LRFN5: variants seen among roughly 807,000 people sequenced by gnomAD.
LRFN5 encodes the protein leucine rich repeat and fibronectin type III domain containing 5.
A neutral mutation model predicts 45.6 loss-of-function variants in LRFN5; 24 were observed. That is an observed-to-expected ratio of 0.53 (90% CI 0.38 to 0.74). The LOEUF (loss-of-function observed/expected upper bound fraction) is 0.74, where lower values mean the gene tolerates loss of function less well. Among genes scored for constraint, LRFN5 ranks in the 30% least tolerant of loss-of-function variants. The pLI is 0.00. For synonymous variants in LRFN5, 340 were observed against 313.8 expected, an observed-to-expected ratio of 1.08 and a Z score of -0.88; for missense variants, 776 against 861.5, an observed-to-expected ratio of 0.90 and a Z score of 1.24.
chr14:41,683,673 A>C (rs1404026778), intron 1 of LRFN5, among the ~76,000 whole-genome samples: 2 of 152,208 alleles, frequency 1.3e-5, no homozygotes, highest in Non-Finnish European at 2.9e-5. Flanking sequence ...TGAAAAAAAA[A>C]TCACCAAAGT....
Position 41,818,539 on chromosome 14 carries a change from C to T in LRFN5, c.-21+51510C>T, listed in dbSNP as rs375920546. On this transcript the variant is annotated intron_variant, in intron 2 of 5. Transcript: ENST00000298119. ...CACACATACACATCCCATTTACATT[C>T]CTTCCCTTCAAGTGATATATGCCAT... 1.1e-4 allele frequency among the ~76,000 whole-genome samples: 16 copies of T among 151,786 alleles called. No individual in the cohort carries two copies. In the East Asian group the frequency reaches 2.5e-3, roughly 24 times the overall value.
At chr14:41,665,524 A>G (rs1880854711) in intron 1 of LRFN5, among the ~76,000 whole-genome samples, 1 of 152,158 alleles carries the variant, frequency 6.6e-6, no homozygotes, top group South Asian at 2.1e-4. Context: ...CACATTTTAT[A>G]TGGGTACGAA....
intron 2 of LRFN5, among the ~76,000 whole-genome samples, chr14:41,811,684 T>A (rs1314686160): frequency 6.6e-6 from 1 of 152,074 alleles, no homozygotes; most frequent in Non-Finnish European, 1.5e-5. Context: ...ATTATAAGAT[T>A]CCATTGGTAT....
rs535762346 is a variant in LRFN5, at chr14:41,618,976, C to T, written c.-197+10414C>T. On this transcript the variant is annotated intron_variant, in intron 1 of 5. Coordinates refer to ENST00000298119, the MANE Select transcript of LRFN5 (RefSeq NM_152447.5). Reference sequence around the variant, plus strand: ...TGCATGATAAGTAATTTTGATTTGCCTAATTTATAACGTAGTGACTTATCA... The same window carrying T: ...TGCATGATAAGTAATTTTGATTTGCTTAATTTATAACGTAGTGACTTATCA... Among the ~76,000 whole-genome samples the T allele has an allele frequency of 1.2e-4, 18 of 152,078 alleles. No homozygotes were observed. In the South Asian group the frequency reaches 3.3e-3, roughly 28 times the overall value.
chr14:41,707,308 C>G (rs775807683), intron 1 of LRFN5, among the ~76,000 whole-genome samples: 23 of 152,242 alleles, frequency 1.5e-4, no homozygotes, highest in Non-Finnish European at 2.8e-4. Flanking sequence ...TTGGGTACTA[C>G]CTGCTACTGT....
At chr14:41,897,698 ATTTT>A in intron 4 of LRFN5, among the ~76,000 whole-genome samples, 1 of 152,090 alleles carries the variant, frequency 6.6e-6, no homozygotes, top group South Asian at 2.1e-4. Context: ...TACAAATTTA[ATTTT>A]CTGCATTTTT....
intron 1 of LRFN5, among the ~76,000 whole-genome samples, chr14:41,641,566 A>T (rs1016254496): frequency 6.6e-6 from 1 of 152,102 alleles, no homozygotes; most frequent in Admixed American, 6.6e-5. Context: ...TGGCTTTTCT[A>T]TACTTTTCTA....
chr14:41,738,042 A>G (rs61992374), intron 1 of LRFN5, among the ~76,000 whole-genome samples: 19,874 of 152,176 alleles, frequency 0.13, 1,538 homozygotes, highest in Non-Finnish European at 0.18. Flanking sequence ...AGCCAAGACA[A>G]TCTTAAATAA....
At chr14:41,715,546 C>G (rs939014712) in intron 1 of LRFN5, among the ~76,000 whole-genome samples, 1 of 152,190 alleles carries the variant, frequency 6.6e-6, no homozygotes, top group Non-Finnish European at 1.5e-5. Context: ...AGTTTGCTTT[C>G]TCTGTGCCTT....
intron 4 of LRFN5, chr14:41,893,170 G>A: frequency 1.0e-6 from 1 of 982,536 alleles, no homozygotes; most frequent in Non-Finnish European, 1.2e-6. Flanking sequence ...AATCTAACTA[G>A]AAATCATGCT....
intron 1 of LRFN5, among the ~76,000 whole-genome samples, chr14:41,708,944 T>A (rs1281453429): frequency 6.8e-6 from 1 of 146,850 alleles, no homozygotes; most frequent in Non-Finnish European, 1.5e-5. Flanking sequence ...TAAAAACGTA[T>A]CCATCTGGTG....
intron 1 of LRFN5, among the ~76,000 whole-genome samples, chr14:41,672,025 T>A (rs887832642): frequency 6.6e-6 from 1 of 152,250 alleles, no homozygotes. Context: ...TTAATAGTTA[T>A]CTTTCCATAA....
intron 1 of LRFN5, among the ~76,000 whole-genome samples, chr14:41,725,420 T>C (rs1370423263): frequency 6.6e-6 from 1 of 152,214 alleles, no homozygotes; most frequent in African/African-American, 2.4e-5. Flanking sequence ...TATCATGTGG[T>C]AGTTAGGTCA....
At chr14:41,803,865 A>ATTTG (rs1273689940) in intron 2 of LRFN5, among the ~76,000 whole-genome samples, 1 of 151,444 alleles carries the variant, frequency 6.6e-6, no homozygotes, top group Non-Finnish European at 1.5e-5. Context: ...AGTTTTTTTC[A>ATTTG]TTTGTTTGTT....
intron 3 of LRFN5, among the ~76,000 whole-genome samples, chr14:41,890,236 G>A (rs1364638493): frequency 2.6e-5 from 4 of 152,152 alleles, no homozygotes; most frequent in Admixed American, 2.0e-4. Context: ...GTGCTCTGAT[G>A]GAAATTTGCG....
chr14:41,885,750 C>T (rs1890545338), intron 2 of LRFN5, among the ~76,000 whole-genome samples: 1 of 152,076 alleles, frequency 6.6e-6, no homozygotes, highest in Admixed American at 6.5e-5. Flanking sequence ...GGCACAGTGG[C>T]TCATGCCTGT....
At chr14:41,815,462 G>A (rs1011381775) in intron 2 of LRFN5, among the ~76,000 whole-genome samples, 1 of 152,042 alleles carries the variant, frequency 6.6e-6, no homozygotes, top group Non-Finnish European at 1.5e-5. Context: ...GTCTAGATGC[G>A]GTGGCTCACT....
intron 2 of LRFN5, among the ~76,000 whole-genome samples, chr14:41,772,131 T>C (rs1374621662): frequency 6.6e-6 from 1 of 151,986 alleles, no homozygotes; most frequent in Non-Finnish European, 1.5e-5. Flanking sequence ...GGGGAGATGA[T>C]ACATCTTTTC....
intron 1 of LRFN5, among the ~76,000 whole-genome samples, chr14:41,718,366 C>A (rs1054395326): frequency 1.3e-5 from 2 of 152,076 alleles, no homozygotes; most frequent in African/African-American, 4.8e-5. Context: ...TTGAAATTAG[C>A]CAACTATACC....
Sources: allele counts gnomAD v4.1 joint callset (sites outside exome capture counted in the v4.1 genomes callset), GRCh38; gene constraint gnomAD v4.1.1; transcripts MANE v1.5; gene names NCBI Gene and HGNC (gene_info 2026-07-23, HGNC 2026-07-21).